IFIH1: variants seen among roughly 807,000 people sequenced by gnomAD.
The protein encoded by IFIH1 is interferon induced with helicase C domain 1.
In IFIH1, 125 loss-of-function variants were observed where a neutral mutation model predicts 107.4. The observed-to-expected ratio is 1.16, with a 90% confidence interval of 1.01 to 1.35. The LOEUF (loss-of-function observed/expected upper bound fraction) is 1.35. Ranked by LOEUF, IFIH1 falls within the 40% of genes most tolerant of loss-of-function variation. IFIH1 has a pLI of 0.00. For synonymous variants in IFIH1, 458 were observed against 413.2 expected (o/e 1.11, Z -1.31); for missense variants, 1,333 against 1,213.7 (o/e 1.10, Z -1.46).
At chr2:162,316,063 G>A (rs1558878123) in intron 1 of IFIH1, among the ~76,000 whole-genome samples, 1 of 152,224 alleles carries the variant, frequency 6.6e-6, no homozygotes, top group Non-Finnish European at 1.5e-5. Context: ...ATTACTGCTA[G>A]CTGCCTCCAA....
At chr2:162,308,742 A>G (rs1206248477) in intron 2 of IFIH1, among the ~76,000 whole-genome samples, 3 of 152,180 alleles carry the variant, frequency 2.0e-5, no homozygotes, top group East Asian at 1.9e-4. Context: ...ATTAGGTTCC[A>G]ACATATGAGT....
At chr2:162,282,662 C>T in intron 5 of IFIH1, 86 bp from the exon 6 acceptor site, 1 of 781,738 alleles carries the variant, frequency 1.3e-6, no homozygotes, top group Non-Finnish European at 2.1e-6. Flanking sequence ...TGGCATCCAG[C>T]ATGAAAAGAG....
At chr2:162,317,126 C>A (rs1683508016) in intron 1 of IFIH1, among the ~76,000 whole-genome samples, 1 of 151,882 alleles carries the variant, frequency 6.6e-6, no homozygotes, top group South Asian at 2.1e-4. Context: ...AAAACTTTTT[C>A]TCTAAAATGC....
chr2:162,275,069 A>G (rs2105194958), intron 11 of IFIH1, among the ~76,000 whole-genome samples: 1 of 152,308 alleles, frequency 6.6e-6, no homozygotes, highest in South Asian at 2.1e-4. Context: ...AATTTGAAGG[A>G]GTAACTTTAA....
At chr2:162,313,496 T>G (rs1350250174) in intron 1 of IFIH1, among the ~76,000 whole-genome samples, 1 of 152,246 alleles carries the variant, frequency 6.6e-6, no homozygotes, top group Non-Finnish European at 1.5e-5. Flanking sequence ...TGCTTTCATA[T>G]TCTAAATTCT....
At position 162,293,583 on chromosome 2, in the gene IFIH1, G is replaced by C. The variant is rs1371911102; in HGVS notation, c.855C>G (p.Gly285=). Residue 285 remains glycine (G), a synonymous_variant, in exon 4 of 16, where the codon GGC becomes GGG. Coordinates refer to ENST00000649979, the MANE Select transcript of IFIH1 (RefSeq NM_022168.4). The part of the protein sequence containing the change: ...GHNSNMGSDS[G]TMGSDSDEEN... ...CAGTACCTGAATCACTTCCCATGGTGCCTGAATCACTGCCCATGTTGCTGT... is the reference window on the plus strand; with the variant it reads ...CAGTACCTGAATCACTTCCCATGGTCCCTGAATCACTGCCCATGTTGCTGT... 2 of 1,609,240 alleles carry C rather than the reference G, an allele frequency of 1.2e-6. No homozygotes were observed. The highest frequency in any genetic ancestry group is 2.2e-5 in the South Asian group (2 of 90,914).
rs1683559287 is a variant in IFIH1, at chr2:162,318,436, C to T, written c.-129G>A. 5.2e-6 allele frequency: 4 copies of T among 774,160 alleles called. No individual in the cohort carries two copies. The South Asian group carries it at 6.7e-5, about 13-fold the overall frequency. The allele number at this position is 774,160 out of a possible 1,614,324, so 48.0% of individuals were successfully genotyped here. A position where few individuals can be genotyped will look rare whatever the true frequency, so the allele number is the denominator to read the frequency against. On this transcript the variant is annotated 5_prime_UTR_variant, in exon 1 of 16. Coordinates refer to ENST00000649979, the MANE Select transcript of IFIH1 (RefSeq NM_022168.4). ...GCAGGGTCTACCGCTCTGTGCCTGA[C>T]AATGACGAGGTTGTCCACAGGGCTC...
At chr2:162,269,183 C>G (rs928268464) in intron 13 of IFIH1, among the ~76,000 whole-genome samples, 4 of 152,130 alleles carry the variant, frequency 2.6e-5, no homozygotes, top group Non-Finnish European at 5.9e-5. Flanking sequence ...ACTACATTTC[C>G]AAACCAGCAG....
At chr2:162,279,753 T>A (rs1682773209) in intron 8 of IFIH1, among the ~76,000 whole-genome samples, 1 of 152,026 alleles carries the variant, frequency 6.6e-6, no homozygotes, top group Non-Finnish European at 1.5e-5. Context: ...CTGTCCCTTT[T>A]AACTCATATG....
chr2:162,282,153 C>T (rs1318849549), intron 6 of IFIH1, among the ~76,000 whole-genome samples: 1 of 151,942 alleles, frequency 6.6e-6, no homozygotes, highest in Non-Finnish European at 1.5e-5. Flanking sequence ...CCAGCGAGTG[C>T]TTGCCTTAAT....
Position 162,268,104 on chromosome 2 carries a change from A to G in IFIH1, c.2790T>C (p.Asn930=). 6.2e-7 allele frequency: 1 copy of G among 1,604,472 alleles called. No homozygotes were observed. The highest frequency in any genetic ancestry group is 8.5e-7 in the Non-Finnish European group (1 of 1,176,382). ...IHVIEKMHHV[N]MTPEFKELYI... Reference sequence around the variant, plus strand: ...GGACTCACTTGAATTCTGGGGTCATATTGACGTGATGCATTTTCTCAATTA... The same window carrying G: ...GGACTCACTTGAATTCTGGGGTCATGTTGACGTGATGCATTTTCTCAATTA... The change falls in exon 14 of 16, where the codon AAT becomes AAC. Residue 930 remains asparagine, a synonymous_variant. Coordinates refer to ENST00000649979, the MANE Select transcript of IFIH1 (RefSeq NM_022168.4).
chr2:162,311,440 TTA>T (rs1683383266), intron 1 of IFIH1, among the ~76,000 whole-genome samples: 1 of 152,104 alleles, frequency 6.6e-6, no homozygotes, highest in Non-Finnish European at 1.5e-5. Context: ...TACTGCAGAT[TTA>T]TATTTTTTCC....
chr2:162,308,625 G>A (rs10200819), intron 2 of IFIH1, among the ~76,000 whole-genome samples: 14,806 of 152,058 alleles, frequency 0.097, 2,458 homozygotes, highest in African/African-American at 0.34. Context: ...TGATCCACCC[G>A]TCTTGGCCTC....
chr2:162,274,090 A>G, intron 11 of IFIH1, 146 bp from the exon 12 acceptor site: 1 of 567,276 alleles, frequency 1.8e-6, no homozygotes, highest in Non-Finnish European at 3.0e-6. Context: ...TGTTTTTGGC[A>G]TTGAACAAAG....
At chr2:162,316,964 G>T (rs1022672204) in intron 1 of IFIH1, among the ~76,000 whole-genome samples, 10 of 151,840 alleles carry the variant, frequency 6.6e-5, no homozygotes, top group East Asian at 5.8e-4. Context: ...TCAATGAATT[G>T]TTTCTAAATT....
chr2:162,280,447 A>T (rs1282439493), intron 7 of IFIH1, among the ~76,000 whole-genome samples: 2 of 152,068 alleles, frequency 1.3e-5, no homozygotes, highest in Non-Finnish European at 2.9e-5. Context: ...ACATGGAAAG[A>T]GTATAACAAT....
At chr2:162,287,424 T>G (rs915208059) in intron 5 of IFIH1, among the ~76,000 whole-genome samples, 1 of 151,882 alleles carries the variant, frequency 6.6e-6, no homozygotes, top group Non-Finnish European at 1.5e-5. Flanking sequence ...GTCATTTATC[T>G]GAATAAAGCT....
chr2:162,302,675 C>G (rs1683213217), intron 3 of IFIH1, among the ~76,000 whole-genome samples: 1 of 152,220 alleles, frequency 6.6e-6, no homozygotes, highest in South Asian at 2.1e-4. Context: ...TTTCTCTGGA[C>G]TAATGGTACT....
chr2:162,285,397 CTTG>C (rs1208278902), intron 5 of IFIH1, among the ~76,000 whole-genome samples: 1 of 151,922 alleles, frequency 6.6e-6, no homozygotes, highest in Non-Finnish European at 1.5e-5. Flanking sequence ...GTAACAATAC[CTTG>C]TTGTTGGGCC....
Sources: gnomAD v4.1 joint callset for allele counts (sites outside exome capture counted in the v4.1 genomes callset) on GRCh38, gnomAD v4.1.1 for gene constraint, MANE v1.5 for transcripts, NCBI Gene and HGNC (gene_info 2026-07-23, HGNC 2026-07-21) for gene names.